CNTN4: variants seen among roughly 807,000 people sequenced by gnomAD.
CNTN4 encodes contactin 4.
A neutral mutation model predicts 122.5 loss-of-function variants in CNTN4; 77 were observed. That is an observed-to-expected ratio of 0.63 (90% CI 0.52 to 0.76). The LOEUF is 0.76. Ranked by LOEUF, CNTN4 falls within the 30% of genes least tolerant of loss-of-function variation. The pLI, the probability that CNTN4 is intolerant of heterozygous loss-of-function variation, is 0.00. For synonymous variants in CNTN4, 512 were observed against 447.0 expected, an observed-to-expected ratio of 1.15 and a Z score of -1.83; for missense variants, 1,256 against 1,259.1, an observed-to-expected ratio of 1.00 and a Z score of 0.04.
intron 2 of CNTN4, among the ~76,000 whole-genome samples, chr3:2,203,207 T>C (rs2149398426): frequency 6.6e-6 from 1 of 152,278 alleles, no homozygotes; most frequent in Non-Finnish European, 1.5e-5. Flanking sequence ...TACACAGTAT[T>C]TAACATTTTC....
chr3:2,790,088 A>C (rs2091962139), intron 6 of CNTN4, among the ~76,000 whole-genome samples: 1 of 152,208 alleles, frequency 6.6e-6, no homozygotes, highest in Non-Finnish European at 1.5e-5. Flanking sequence ...CTTCTTATTT[A>C]GGGGAAAAAT....
chr3:2,708,743 A>T (rs1175183319), intron 4 of CNTN4, among the ~76,000 whole-genome samples: 2 of 30,288 alleles, frequency 6.6e-5, no homozygotes, highest in Non-Finnish European at 2.0e-4. Flanking sequence ...ACACACACAC[A>T]CACACACACA....
chr3:2,876,089 ATC>A, intron 8 of CNTN4, among the ~76,000 whole-genome samples: 1 of 152,196 alleles, frequency 6.6e-6, no homozygotes, highest in Non-Finnish European at 1.5e-5. Context: ...ATTTATTTTC[ATC>A]TCTCACAGGT....
At chr3:2,245,565 A>T (rs1462124683) in intron 2 of CNTN4, among the ~76,000 whole-genome samples, 6 of 152,080 alleles carry the variant, frequency 3.9e-5, no homozygotes, top group Non-Finnish European at 1.5e-5. Flanking sequence ...ATTCTTCAGA[A>T]GTATAGACAT....
intron 3 of CNTN4, among the ~76,000 whole-genome samples, chr3:2,394,089 A>G (rs2046544013): frequency 6.6e-6 from 1 of 152,170 alleles, no homozygotes; most frequent in Non-Finnish European, 1.5e-5. Context: ...TTTTAATCCA[A>G]AGCTCATCAA....
At chr3:2,661,022 C>G (rs1205766827) in intron 4 of CNTN4, among the ~76,000 whole-genome samples, 1 of 152,180 alleles carries the variant, frequency 6.6e-6, no homozygotes, top group East Asian at 1.9e-4. Flanking sequence ...TCAAGCTCTT[C>G]CCATGATTTT....
At chr3:3,016,163 G>A (rs1051871094) in intron 14 of CNTN4, among the ~76,000 whole-genome samples, 3 of 152,146 alleles carry the variant, frequency 2.0e-5, no homozygotes, top group Non-Finnish European at 4.4e-5. Flanking sequence ...ACGCCATAGA[G>A]TGATTTTAAT....
At chr3:2,401,486 A>G (rs1024359565) in intron 3 of CNTN4, among the ~76,000 whole-genome samples, 9 of 152,128 alleles carry the variant, frequency 5.9e-5, no homozygotes, top group African/African-American at 2.2e-4. Flanking sequence ...TAGAGTTTTC[A>G]CTTTATTATG....
chr3:2,845,755 A>G (rs890299054), intron 7 of CNTN4, among the ~76,000 whole-genome samples: 6 of 152,350 alleles, frequency 3.9e-5, no homozygotes, highest in African/African-American at 1.4e-4. Context: ...ACAGAGAGTC[A>G]GTGACGTGGA....
In CNTN4 at chr3:2,440,104, G is replaced by C. The variant is rs577287781; in HGVS notation, c.-89+100871G>C. Among the ~76,000 whole-genome samples, 11 of 152,178 alleles carry C rather than the reference G, an allele frequency of 7.2e-5. 1 individual carries two copies. The South Asian group carries it at 2.1e-3, about 29-fold the overall frequency. On this transcript the variant is annotated intron_variant, in intron 3 of 24. Transcript: ENST00000418658. ...ATATTATATTTGTAAAGATATGCTT[G>C]GCATTCAGTCATTTGTCCACTGTCC...
intron 3 of CNTN4, among the ~76,000 whole-genome samples, chr3:2,345,705 G>A (rs890018554): frequency 1.3e-5 from 2 of 152,070 alleles, no homozygotes; most frequent in Non-Finnish European, 2.9e-5. Flanking sequence ...TACATATTGT[G>A]CTAAGTACTG....
chr3:2,294,120 A>C (rs1406053325), intron 2 of CNTN4, among the ~76,000 whole-genome samples: 1 of 152,212 alleles, frequency 6.6e-6, no homozygotes, highest in Non-Finnish European at 1.5e-5. Flanking sequence ...AGCAAAGAGC[A>C]GAAGCAAGGT....
chr3:2,520,427 C>A (rs1435134197), intron 3 of CNTN4, among the ~76,000 whole-genome samples: 1 of 151,660 alleles, frequency 6.6e-6, no homozygotes, highest in Non-Finnish European at 1.5e-5. Context: ...CACCTGCTAC[C>A]ACACGCTGCT....
At chr3:2,800,189 T>C (rs1559517125) in intron 6 of CNTN4, among the ~76,000 whole-genome samples, 1 of 152,018 alleles carries the variant, frequency 6.6e-6, no homozygotes, top group Admixed American at 6.6e-5. Context: ...ATGACATCGG[T>C]ATTTTGATAG....
chr3:2,781,716 ATTTTTTTTTTT>A (rs59896254), intron 6 of CNTN4, among the ~76,000 whole-genome samples: 7 of 85,952 alleles, frequency 8.1e-5, no homozygotes, highest in African/African-American at 1.6e-4. Flanking sequence ...CTTTGGGTAA[ATTTTTTTTTTT>A]TTTTTTTTTT....
intron 12 of CNTN4, among the ~76,000 whole-genome samples, chr3:2,916,374 G>A: frequency 6.7e-6 from 1 of 148,652 alleles, no homozygotes; most frequent in Non-Finnish European, 1.5e-5. Flanking sequence ...TGTGTCCCTG[G>A]GTACTTGAGA....
At chr3:2,282,375 T>C (rs917661186) in intron 2 of CNTN4, among the ~76,000 whole-genome samples, 1 of 152,182 alleles carries the variant, frequency 6.6e-6, no homozygotes, top group Non-Finnish European at 1.5e-5. Flanking sequence ...AGCATGCATT[T>C]TTTCATTCTC....
At chr3:2,464,938 T>C (rs962794403) in intron 3 of CNTN4, among the ~76,000 whole-genome samples, 1 of 152,196 alleles carries the variant, frequency 6.6e-6, no homozygotes, top group African/African-American at 2.4e-5. Flanking sequence ...TGGAACAGGT[T>C]GGGATAAGAA....
chr3:2,887,205 G>T lies in CNTN4; in HGVS notation c.921G>T (p.Arg307Ser). 1 of 1,613,442 alleles carries T rather than the reference G, an allele frequency of 6.2e-7. No individual in the cohort carries two copies. The highest frequency in any genetic ancestry group is 1.1e-5 in the South Asian group (1 of 91,066). ...ATTCCAGAGGGAAAAATGTAGCAAG[G>T]GGACAGCTAACTTTCTATGGTAAGT... ...AENSRGKNVARGQLTFYAQPN... is the reference protein window; with the variant it reads ...AENSRGKNVASGQLTFYAQPN... The change falls in exon 10 of 25, where the codon AGG (arginine) becomes AGT (serine). Residue 307 changes from arginine (R) to serine (S), a missense_variant. Coordinates refer to ENST00000418658, the MANE Select transcript of CNTN4 (RefSeq NM_175607.3).
Sources: allele counts gnomAD v4.1 joint callset (sites outside exome capture counted in the v4.1 genomes callset), GRCh38; gene constraint gnomAD v4.1.1; transcripts MANE v1.5; gene names NCBI Gene and HGNC (gene_info 2026-07-23, HGNC 2026-07-21).